Variants in SGCZ observed in about 807,000 individuals in gnomAD.
SGCZ encodes sarcoglycan zeta, also known as zeta-sarcoglycan.
In SGCZ, 40 loss-of-function variants were observed where a neutral mutation model predicts 41.3. The observed-to-expected ratio is 0.97, with a 90% CI of 0.75 to 1.26. The LOEUF (loss-of-function observed/expected upper bound fraction) is 1.26, where lower values mean the gene tolerates loss of function less well. SGCZ is among the 50% of genes most tolerant of loss of function. The probability of loss-of-function intolerance (pLI) is 0.00; values close to 1 mark genes in which losing one functional copy is unlikely to be tolerated. For missense variants in SGCZ, 552 were observed against 369.8 expected, an observed-to-expected ratio of 1.49 and a Z score of -4.04; for synonymous variants, 206 against 137.5, an observed-to-expected ratio of 1.50 and a Z score of -3.49.
intron 2 of SGCZ, among the ~76,000 whole-genome samples, chr8:14,325,880 A>C (rs1802087125): frequency 6.8e-6 from 1 of 147,002 alleles, no homozygotes; most frequent in Non-Finnish European, 1.5e-5. Context: ...CGGAACGTAG[A>C]GGCGGGCGGA....
intron 1 of SGCZ, among the ~76,000 whole-genome samples, chr8:14,563,912 A>C (rs1030145437): frequency 4.6e-5 from 7 of 152,202 alleles, no homozygotes; most frequent in Non-Finnish European, 1.0e-4. Flanking sequence ...AACAATTTAT[A>C]ATATTACTCA....
At chr8:14,807,136 A>C (rs1187697262) in intron 1 of SGCZ, among the ~76,000 whole-genome samples, 1 of 151,616 alleles carries the variant, frequency 6.6e-6, no homozygotes, top group Non-Finnish European at 1.5e-5. Context: ...CTGAATGGGC[A>C]AAAACTGGAA....
chr8:14,362,432 C>A (rs913165158), intron 2 of SGCZ, among the ~76,000 whole-genome samples: 2 of 152,230 alleles, frequency 1.3e-5, no homozygotes, highest in African/African-American at 4.8e-5. Flanking sequence ...CAAGCTCCAG[C>A]ATCCCAGGTG....
intron 4 of SGCZ, among the ~76,000 whole-genome samples, chr8:14,165,838 G>C (rs1414324527): frequency 6.6e-6 from 1 of 152,058 alleles, no homozygotes; most frequent in African/African-American, 2.4e-5. Context: ...GTCGCTTCTA[G>C]TAGCACCAGT....
intron 1 of SGCZ, among the ~76,000 whole-genome samples, chr8:14,886,684 G>T (rs1481204013): frequency 1.3e-5 from 2 of 152,180 alleles, no homozygotes; most frequent in Admixed American, 6.5e-5. Context: ...CAGGAGGGAA[G>T]ATTTTGTAGG....
At chr8:14,995,833 C>T (rs1464266378) in intron 1 of SGCZ, among the ~76,000 whole-genome samples, 4 of 152,124 alleles carry the variant, frequency 2.6e-5, no homozygotes, top group Non-Finnish European at 5.9e-5. Context: ...TATTTCTAGA[C>T]TATCAGAGTT....
chr8:14,324,163 T>A lies in SGCZ; in HGVS notation c.276A>T (p.Arg92=). The stretch of plus-strand genomic sequence containing the variant: ...GTAGAAACTCAGATATACCTTCAAG[T>A]CGGATTCCCTTCTTGGTGACTCTCA... ...GNLRVTKKGI[R]LEGISEFLLP... is the part of the protein sequence containing the mutation. The change falls in exon 3 of 8, where the codon CGA becomes CGT. Residue 92 remains arginine, a synonymous_variant. Coordinates refer to ENST00000382080, the MANE Select transcript of SGCZ (RefSeq NM_139167.4). 6.2e-7 allele frequency: 1 copy of A among 1,613,128 alleles called. No individual in the cohort carries two copies. The highest frequency in any genetic ancestry group is 2.2e-5 in the East Asian group (1 of 44,808).
chr8:14,766,663 G>A (rs1374761218), intron 1 of SGCZ, among the ~76,000 whole-genome samples: 1 of 150,990 alleles, frequency 6.6e-6, no homozygotes, highest in Non-Finnish European at 1.5e-5. Context: ...CCAGGCTCAA[G>A]CGATTCTTTC....
intron 1 of SGCZ, among the ~76,000 whole-genome samples, chr8:14,764,586 G>C (rs1483833874): frequency 6.6e-6 from 1 of 152,138 alleles, no homozygotes; most frequent in Non-Finnish European, 1.5e-5. Context: ...ATTTTACAAG[G>C]TAATTGGTTT....
chr8:14,293,979 T>C (rs1021187847), intron 3 of SGCZ, among the ~76,000 whole-genome samples: 3 of 151,806 alleles, frequency 2.0e-5, no homozygotes, highest in African/African-American at 7.2e-5. Context: ...ATCAACAATC[T>C]ATAGAGTACT....
rs188880692 is a variant in SGCZ at position 14,996,693 on chromosome 8, C to T, written c.39+240892G>A. On this transcript the variant is annotated intron_variant, in intron 1 of 7. Transcript: ENST00000382080. ...CAAAGTTCTAGATATGGTTAGCAAA[C>T]TGCATCAGAGGAACTCCAGACATCT... 1.2e-4 allele frequency among the ~76,000 whole-genome samples: 18 copies of T among 152,324 alleles called. No homozygotes were observed. In the East Asian group the frequency reaches 3.1e-3, roughly 26 times the overall value.
At chr8:15,062,545 C>G (rs111969942) in intron 1 of SGCZ, among the ~76,000 whole-genome samples, 7,266 of 152,136 alleles carry the variant, frequency 0.048, 178 homozygotes, top group Non-Finnish European at 0.057. Context: ...GTATCCATTA[C>G]GCACACACAG....
chr8:14,824,329 A>C (rs372141556), intron 1 of SGCZ, among the ~76,000 whole-genome samples: 2 of 152,178 alleles, frequency 1.3e-5, no homozygotes, highest in Admixed American at 6.5e-5. Flanking sequence ...TATACAACAT[A>C]GATTTGTATC....
intron 1 of SGCZ, among the ~76,000 whole-genome samples, chr8:14,776,425 T>C (rs1422131831): frequency 6.6e-6 from 1 of 152,062 alleles, no homozygotes; most frequent in Non-Finnish European, 1.5e-5. Context: ...CGTGACTGAG[T>C]CCATTAAACC....
intron 1 of SGCZ, among the ~76,000 whole-genome samples, chr8:15,164,879 G>T (rs182931681): frequency 6.6e-6 from 1 of 152,230 alleles, no homozygotes; most frequent in African/African-American, 2.4e-5. Flanking sequence ...CTGACTTACG[G>T]AATAAGCTTC....
intron 1 of SGCZ, among the ~76,000 whole-genome samples, chr8:14,886,012 TA>T (rs1563339116): frequency 8.2e-6 from 1 of 121,224 alleles, no homozygotes; most frequent in Non-Finnish European, 1.8e-5. Context: ...TATATATATA[TA>T]TATATATATA....
intron 1 of SGCZ, among the ~76,000 whole-genome samples, chr8:14,684,878 G>C (rs1344598393): frequency 6.6e-6 from 1 of 152,080 alleles, no homozygotes; most frequent in East Asian, 1.9e-4. Flanking sequence ...GTGGAGGAGG[G>C]AGGTCTGTTA....
At chr8:14,302,269 C>A (rs1801217926) in intron 3 of SGCZ, among the ~76,000 whole-genome samples, 1 of 152,066 alleles carries the variant, frequency 6.6e-6, no homozygotes, top group African/African-American at 2.4e-5. Context: ...TGCAAAAACA[C>A]TGGATATTTG....
At position 14,364,514 on chromosome 8, in the gene SGCZ, G is replaced by A. The variant is rs560231937; in HGVS notation, c.235-40310C>T. On this transcript the variant is annotated intron_variant, in intron 2 of 7. Transcript: ENST00000382080. ...TTTTATACATTGCCATTCTTCCATG[G>A]GATGTGATATATTTTTTTTCTTTCT... is the stretch of plus-strand genomic sequence containing the variant. Among the ~76,000 whole-genome samples the A allele has an allele frequency of 3.3e-5, 5 of 152,120 alleles. No individual in the cohort carries two copies. In the East Asian group the frequency reaches 9.6e-4, roughly 29 times the overall value.
Sources: gnomAD v4.1 joint callset for allele counts (sites outside exome capture counted in the v4.1 genomes callset) on GRCh38, gnomAD v4.1.1 for gene constraint, MANE v1.5 for transcripts, NCBI Gene and HGNC (gene_info 2026-07-23, HGNC 2026-07-21) for gene names.